The following NAV3 variants were observed in gnomAD, a reference collection of about 807,000 sequenced individuals.
NAV3 encodes the protein neuron navigator 3, also known as pore membrane and/or filament interacting like protein 1.
NAV3 carries 87 observed loss-of-function variants against 244.7 expected under a neutral mutation model. That is an observed-to-expected ratio of 0.36 (90% confidence interval 0.30 to 0.42). The LOEUF (loss-of-function observed/expected upper bound fraction) is 0.42. Ranked by LOEUF, NAV3 falls within the 20% of genes least tolerant of loss-of-function variation. The pLI, the probability that NAV3 is intolerant of heterozygous loss-of-function variation, is 1.00. For synonymous variants in NAV3, 1,126 were observed against 1,042.2 expected (o/e 1.08, Z -1.55); for missense variants, 2,663 against 2,893.3 (o/e 0.92, Z 1.83).
chr12:77,662,048 A>C (rs1025445901), intron 2 of NAV3, among the ~76,000 whole-genome samples: 1 of 152,100 alleles, frequency 6.6e-6, no homozygotes, highest in African/African-American at 2.4e-5. Context: ...CATTCCATAT[A>C]AAATTTAGAA....
At chr12:78,148,978 C>A (rs1033511843) in intron 22 of NAV3, 59 bp downstream of exon 22, 2 of 1,381,588 alleles carry the variant, frequency 1.4e-6, no homozygotes, top group South Asian at 2.5e-5. Context: ...AAAATGAAAT[C>A]ATTTTAGTAA....
At chr12:77,686,029 A>T (rs950576998) in intron 2 of NAV3, among the ~76,000 whole-genome samples, 1 of 152,178 alleles carries the variant, frequency 6.6e-6, no homozygotes, top group East Asian at 1.9e-4. Flanking sequence ...AAATGGATGG[A>T]TTTGACTCTC....
chr12:77,741,167 G>GAAAAAAAAAAAAAA (rs1868327621), intron 2 of NAV3, among the ~76,000 whole-genome samples: 4 of 76,066 alleles, frequency 5.3e-5, no homozygotes, highest in Non-Finnish European at 1.1e-4. Flanking sequence ...AAAAAAAAAA[G>GAAAAAAAAAAAAAA]AAAAGAAAGA....
intron 5 of NAV3, among the ~76,000 whole-genome samples, chr12:77,973,876 C>T (rs901669090): frequency 1.3e-5 from 2 of 151,672 alleles, no homozygotes; most frequent in East Asian, 1.9e-4. Context: ...GTCAGTTAAT[C>T]GATTAAACTT....
At chr12:77,873,309 A>G (rs1311434076) in intron 1 of NAV3, among the ~76,000 whole-genome samples, 1 of 152,236 alleles carries the variant, frequency 6.6e-6, no homozygotes, top group East Asian at 1.9e-4. Flanking sequence ...ATATTAGTAT[A>G]TGTATGTCCA....
At chr12:78,066,725 A>C (rs1231718602) in intron 12 of NAV3, among the ~76,000 whole-genome samples, 1 of 152,048 alleles carries the variant, frequency 6.6e-6, no homozygotes, top group Non-Finnish European at 1.5e-5. Flanking sequence ...AGCATAATAC[A>C]TCATAGAAAT....
intron 1 of NAV3, among the ~76,000 whole-genome samples, chr12:77,921,730 A>G (rs1887726707): frequency 6.6e-6 from 1 of 152,106 alleles, no homozygotes; most frequent in Admixed American, 6.6e-5. Context: ...AAACACCTTG[A>G]AAAATTTTAG....
intron 2 of NAV3, among the ~76,000 whole-genome samples, chr12:77,766,661 G>C (rs1869769210): frequency 6.7e-6 from 1 of 149,078 alleles, no homozygotes; most frequent in East Asian, 2.0e-4. Context: ...TTTTAAAATG[G>C]TAATCTTGAC....
At chr12:78,118,667 C>T (rs1475025086) in intron 14 of NAV3, among the ~76,000 whole-genome samples, 1 of 152,188 alleles carries the variant, frequency 6.6e-6, no homozygotes, top group African/African-American at 2.4e-5. Context: ...AAATATGCCA[C>T]TGAATTGCAC....
chr12:77,879,627 G>C (rs945136905), intron 1 of NAV3, among the ~76,000 whole-genome samples: 1 of 128,020 alleles, frequency 7.8e-6, no homozygotes, highest in African/African-American at 2.9e-5. Context: ...GTTGCAGTGA[G>C]CCAAGATCGA....
rs1428107657 is a variant in NAV3 at position 78,079,293 on chromosome 12, C to T, written c.2636+20178C>T. ...TAGATATAAAGACTCAGATTTATAG[C>T]TTAGCTAGCTGGAAATGCCTTGGAA... On this transcript the variant is annotated intron_variant, in intron 12 of 39. Coordinates refer to ENST00000397909, the MANE Select transcript of NAV3 (RefSeq NM_001024383.2). Among the ~76,000 whole-genome samples, 14 of 152,038 alleles carry T rather than the reference C, an allele frequency of 9.2e-5. 1 individual carries two copies. Among genetic ancestry groups the T allele is most frequent in the Admixed American group, 8.5e-4 (13 of 15,268 alleles).
intron 8 of NAV3, among the ~76,000 whole-genome samples, chr12:78,015,238 T>C (rs1246452766): frequency 6.6e-6 from 1 of 152,158 alleles, no homozygotes; most frequent in East Asian, 1.9e-4. Context: ...GACTCTCATG[T>C]ACACTTCTCC....
chr12:77,638,646 A>G (rs749463484), intron 2 of NAV3, among the ~76,000 whole-genome samples: 4 of 152,246 alleles, frequency 2.6e-5, no homozygotes, highest in African/African-American at 7.2e-5. Context: ...GAGGATTCAT[A>G]TACTATTTTT....
chr12:78,176,353 A>T, intron 25 of NAV3, 86 bp from the exon 26 acceptor site: 1 of 1,291,348 alleles, frequency 7.7e-7, no homozygotes, highest in South Asian at 1.4e-5. Context: ...TATCTTAAAA[A>T]ATGTTTATAC....
intron 2 of NAV3, among the ~76,000 whole-genome samples, chr12:77,710,549 C>T (rs933856199): frequency 6.6e-6 from 1 of 152,074 alleles, no homozygotes; most frequent in East Asian, 1.9e-4. Flanking sequence ...GATTTATGCA[C>T]GTTCTCCCCA....
At chr12:77,945,029 T>A (rs1166109504) in intron 3 of NAV3, among the ~76,000 whole-genome samples, 3 of 151,572 alleles carry the variant, frequency 2.0e-5, no homozygotes, top group Non-Finnish European at 2.9e-5. Flanking sequence ...TTCTGTAGAG[T>A]GAATAACGTG....
intron 12 of NAV3, among the ~76,000 whole-genome samples, chr12:78,084,134 G>C (rs1232445630): frequency 6.6e-6 from 1 of 152,026 alleles, no homozygotes; most frequent in Non-Finnish European, 1.5e-5. Flanking sequence ...ACATTTCCCT[G>C]CTCCACTCTT....
At chr12:77,765,067 C>G (rs1020062042) in intron 2 of NAV3, among the ~76,000 whole-genome samples, 1 of 152,090 alleles carries the variant, frequency 6.6e-6, no homozygotes, top group Non-Finnish European at 1.5e-5. Context: ...AGGGGAAGTC[C>G]CCAGAAATCC....
intron 12 of NAV3, among the ~76,000 whole-genome samples, chr12:78,079,934 G>A (rs925836375): frequency 6.6e-6 from 1 of 152,112 alleles, no homozygotes; most frequent in Non-Finnish European, 1.5e-5. Flanking sequence ...GTTCATAATC[G>A]AAGATATTGT....
Sources: allele counts gnomAD v4.1 joint callset (sites outside exome capture counted in the v4.1 genomes callset), GRCh38; gene constraint gnomAD v4.1.1; transcripts MANE v1.5; gene names NCBI Gene and HGNC (gene_info 2026-07-23, HGNC 2026-07-21).